The following KCNK9 variants were observed in gnomAD, a reference collection of about 807,000 sequenced individuals.
KCNK9 encodes potassium two pore domain channel subfamily K member 9.
KCNK9 carries 1 observed loss-of-function variant against 10.8 expected under a neutral mutation model. The ratio of observed to expected loss-of-function variants is 0.09; its 90% CI spans 0.03 to 0.44. The LOEUF is 0.44. Among genes scored for constraint, KCNK9 ranks in the 20% least tolerant of loss-of-function variants. KCNK9 has a pLI of 0.97. For missense variants in KCNK9, 303 were observed against 515.0 expected (o/e 0.59, Z 3.98); for synonymous variants, 231 against 222.7 (o/e 1.04, Z -0.33).
At chr8:139,699,188 T>C (rs370336801) in intron 1 of KCNK9, among the ~76,000 whole-genome samples, 10 of 152,310 alleles carry the variant, frequency 6.6e-5, no homozygotes, top group East Asian at 3.9e-4. Flanking sequence ...TGATAACAGC[T>C]CAGGTCACAG....
At chr8:139,692,798 T>C (rs741469) in intron 1 of KCNK9, among the ~76,000 whole-genome samples, 85,567 of 151,970 alleles carry the variant, frequency 0.56, 24,134 homozygotes, top group Admixed American at 0.61. Flanking sequence ...TGAATGCCCA[T>C]GCCCTGGCAC....
chr8:139,660,449 AAT>A lies in KCNK9; in HGVS notation c.284-41352_284-41351del, dbSNP rs35118138. ...GTGAAACCCGTCTCTGCTAAAAAAAAATATATATATATATATATATATTAGCC... is the reference window on the plus strand; with the variant it reads ...GTGAAACCCGTCTCTGCTAAAAAAAAATATATATATATATATATATTAGCC... On this transcript the variant is annotated intron_variant, in intron 1 of 1. Transcript: ENST00000520439. 6.2e-3 allele frequency among the ~76,000 whole-genome samples: 816 copies of A among 131,136 alleles called. 14 individuals are homozygous for A. Among genetic ancestry groups the A allele is most frequent in the African/African-American group, 0.023 (755 of 32,772 alleles). The allele number at this position is 131,136 out of a possible 152,430, so 86.0% of individuals were successfully genotyped here. A position where few individuals can be genotyped will look rare whatever the true frequency, so the allele number is the denominator to read the frequency against.
chr8:139,654,685 A>G (rs2129685172), intron 1 of KCNK9, among the ~76,000 whole-genome samples: 1 of 152,274 alleles, frequency 6.6e-6, no homozygotes, highest in Middle Eastern at 3.4e-3. Context: ...GCACCTGAGG[A>G]TACTGTAAGA....
chr8:139,657,005 T>C (rs1168161450), intron 1 of KCNK9, among the ~76,000 whole-genome samples: 3 of 152,074 alleles, frequency 2.0e-5, no homozygotes, highest in African/African-American at 7.2e-5. Flanking sequence ...AACCCACCAT[T>C]TGCCCCCTCC....
At chr8:139,601,857 G>A (rs140226806) in intron 2 of KCNK9, among the ~76,000 whole-genome samples, 174 of 152,272 alleles carry the variant, frequency 1.1e-3, no homozygotes, top group African/African-American at 3.9e-3. Context: ...TTGTGAACCC[G>A]CATGTGTCAG....
At chr8:139,674,472 C>A (rs1816504829) in intron 1 of KCNK9, among the ~76,000 whole-genome samples, 1 of 152,320 alleles carries the variant, frequency 6.6e-6, no homozygotes, top group African/African-American at 2.4e-5. Flanking sequence ...GCCCCAGTGT[C>A]TCCTACAGCC....
downstream of KCNK9, among the ~76,000 whole-genome samples, chr8:139,615,038 A>C (rs1335501580): frequency 6.6e-6 from 1 of 152,226 alleles, no homozygotes; most frequent in African/African-American, 2.4e-5. Context: ...GGCATGGTTA[A>C]CTGGGAGAAG....
intron 1 of KCNK9, among the ~76,000 whole-genome samples, chr8:139,647,165 CACAGGGTGGA>C (rs1815714588): frequency 6.6e-6 from 1 of 152,210 alleles, no homozygotes; most frequent in Non-Finnish European, 1.5e-5. Flanking sequence ...GGGAGCACTC[CACAGGGTGGA>C]ACAGGCCCAG....
chr8:139,659,280 T>G (rs1457956474), intron 1 of KCNK9, among the ~76,000 whole-genome samples: 1 of 152,188 alleles, frequency 6.6e-6, no homozygotes, highest in Non-Finnish European at 1.5e-5. Flanking sequence ...ACCCAAGGCT[T>G]TCCCTATGCA....
intron 1 of KCNK9, among the ~76,000 whole-genome samples, chr8:139,650,887 C>T (rs565122328): frequency 1.3e-3 from 201 of 152,294 alleles, no homozygotes; most frequent in African/African-American, 4.7e-3. Flanking sequence ...CCTTGACACC[C>T]CCGGAAGTGA....
At chr8:139,665,293 T>C (rs1433476092) in intron 1 of KCNK9, among the ~76,000 whole-genome samples, 1 of 152,166 alleles carries the variant, frequency 6.6e-6, no homozygotes, top group African/African-American at 2.4e-5. Context: ...CCCCTTCCCC[T>C]GTCTTCAAAG....
chr8:139,700,039 G>T (rs904054547), intron 1 of KCNK9, among the ~76,000 whole-genome samples: 5 of 152,028 alleles, frequency 3.3e-5, no homozygotes, highest in African/African-American at 1.2e-4. Flanking sequence ...GCCGGGTTTT[G>T]TTCTAGGCCT....
intron 1 of KCNK9, among the ~76,000 whole-genome samples, chr8:139,665,066 G>A (rs907082394): frequency 1.3e-5 from 2 of 152,158 alleles, no homozygotes; most frequent in African/African-American, 4.8e-5. Flanking sequence ...GCACGTTTTA[G>A]TTTTCTGAGG....
chr8:139,698,313 C>T (rs1298100258), intron 1 of KCNK9, among the ~76,000 whole-genome samples: 2 of 152,176 alleles, frequency 1.3e-5, no homozygotes, highest in Non-Finnish European at 1.5e-5. Flanking sequence ...TGCAGCCCTT[C>T]CAAGAGGCCC....
chr8:139,632,366 T>G (rs1009042594), intron 1 of KCNK9, among the ~76,000 whole-genome samples: 4 of 152,234 alleles, frequency 2.6e-5, no homozygotes, highest in African/African-American at 9.6e-5. Context: ...CAGCCCACGC[T>G]GGAGTCTGAT....
At position 139,702,572 on chromosome 8, in the gene KCNK9, G is replaced by A; in HGVS notation, c.283+138C>T. The A allele has an allele frequency of 1.2e-6, 1 of 868,962 alleles. No homozygotes were observed. The highest frequency in any genetic ancestry group is 1.7e-6 in the Non-Finnish European group (1 of 584,356). 53.8% of individuals were successfully genotyped at this position (868,962 alleles called of 1,614,324 possible). A position where few individuals can be genotyped will look rare whatever the true frequency, so the allele number is the denominator to read the frequency against. Reference sequence around the variant, plus strand: ...CGGAGGGGGGGCTCCCTAGAGAGGAGGGGGCGCTGCGGGAAGGCCCCCAAG... The same window carrying A: ...CGGAGGGGGGGCTCCCTAGAGAGGAAGGGGCGCTGCGGGAAGGCCCCCAAG... On this transcript the variant is annotated intron_variant, in intron 1 of 1. Transcript: ENST00000520439. The surrounding 1 kb of genome is among the most constrained non-coding windows in gnomAD (Gnocchi z 7.5).
chr8:139,660,619 T>C (rs188767204), intron 1 of KCNK9, among the ~76,000 whole-genome samples: 1 of 152,020 alleles, frequency 6.6e-6, no homozygotes, highest in East Asian at 1.9e-4. Flanking sequence ...ACACCCTGTC[T>C]TTAAAAAAAT....
intron 1 of KCNK9, among the ~76,000 whole-genome samples, chr8:139,680,573 A>G (rs1362682983): frequency 2.6e-5 from 4 of 152,120 alleles, no homozygotes; most frequent in Admixed American, 6.5e-5. Flanking sequence ...AGCATCTCAG[A>G]TCTGCCCCTG....
intron 1 of KCNK9, among the ~76,000 whole-genome samples, chr8:139,662,857 G>C (rs1352505405): frequency 8.2e-6 from 1 of 122,432 alleles, no homozygotes; most frequent in Non-Finnish European, 1.6e-5. Context: ...AAGGGAGGAA[G>C]GGGAGGGGTG....
Sources: allele counts gnomAD v4.1 joint callset (sites outside exome capture counted in the v4.1 genomes callset), GRCh38; gene constraint gnomAD v4.1.1; non-coding constraint Gnocchi (gnomAD v3.1); transcripts MANE v1.5; gene names NCBI Gene and HGNC (gene_info 2026-07-23, HGNC 2026-07-21).